SLC35E4: variants seen among roughly 807,000 people sequenced by gnomAD.
SLC35E4 encodes solute carrier family 35 member E4.
A neutral mutation model predicts 19.3 loss-of-function variants in SLC35E4; 15 were observed. The observed-to-expected ratio is 0.78, with a 90% CI of 0.52 to 1.20. SLC35E4 has a LOEUF of 1.20. Ranked by LOEUF, SLC35E4 falls within the 50% of genes most tolerant of loss-of-function variation. The pLI is 0.00. For synonymous variants in SLC35E4, 219 were observed against 219.9 expected (o/e 1.00, Z 0.04); for missense variants, 406 against 472.3 (o/e 0.86, Z 1.30).
exon 3 of SLC35E4, chr22:30,668,470 T>C (rs1220100960): frequency 6.6e-6 from 1 of 152,576 alleles, no homozygotes; most frequent in African/African-American, 2.4e-5. Context: ...AGTCTAGCTC[T>C]TGGGACTCCC....
downstream of SLC35E4, among the ~76,000 whole-genome samples, chr22:30,649,484 A>T (rs1345626645): frequency 7.8e-6 from 1 of 128,898 alleles, no homozygotes; most frequent in Non-Finnish European, 1.7e-5. Flanking sequence ...GGGCCAGCCC[A>T]CGGCGGGGTG....
At chr22:30,653,505 G>A (rs1303041344) in intron 2 of SLC35E4, among the ~76,000 whole-genome samples, 1 of 151,858 alleles carries the variant, frequency 6.6e-6, no homozygotes, top group East Asian at 1.9e-4. Flanking sequence ...CTGAGTAGGT[G>A]GAACTACAGG....
downstream of SLC35E4, chr22:30,663,955 CTG>C: frequency 6.2e-7 from 1 of 1,614,188 alleles, no homozygotes; most frequent in Non-Finnish European, 8.5e-7. Context: ...AGGCCGCTGA[CTG>C]AGGGCTGCCG....
At chr22:30,651,371 T>TTGTGTG (rs1555899346), downstream of SLC35E4, among the ~76,000 whole-genome samples, 991 of 41,058 alleles carry the variant, frequency 0.024, 36 homozygotes, top group Non-Finnish European at 0.032. Flanking sequence ...TGGCTAATTT[T>TTGTGTG]TGTGTGTGTG....
At chr22:30,663,473 G>C (rs781691112), downstream of SLC35E4, 65 of 1,612,616 alleles carry the variant, frequency 4.0e-5, no homozygotes, top group Non-Finnish European at 5.0e-5. Flanking sequence ...CCTTCTCATA[G>C]ATGTCAGGGA....
At chr22:30,659,499 G>A (rs570489731) in intron 2 of SLC35E4, among the ~76,000 whole-genome samples, 3 of 151,944 alleles carry the variant, frequency 2.0e-5, no homozygotes, top group South Asian at 4.2e-4. Context: ...TCAGCCTCCC[G>A]GGTAGCTGTG....
intron 1 of SLC35E4, among the ~76,000 whole-genome samples, chr22:30,639,950 T>C (rs1378520845): frequency 6.6e-6 from 1 of 150,734 alleles, no homozygotes; most frequent in African/African-American, 2.4e-5. Context: ...AGGGTATTGG[T>C]TGGAGAAGTG....
downstream of SLC35E4, chr22:30,647,966 C>T (rs1791744277): frequency 6.6e-6 from 1 of 152,170 alleles, no homozygotes; most frequent in Non-Finnish European, 1.5e-5. Context: ...GAAACTAGGA[C>T]ATCCTCCCTT....
downstream of SLC35E4, among the ~76,000 whole-genome samples, chr22:30,651,421 A>T (rs1602084850): frequency 5.6e-5 from 3 of 53,248 alleles, no homozygotes; most frequent in Admixed American, 3.0e-4. Flanking sequence ...ATATATATAT[A>T]TATATATTTT....
At chr22:30,655,507 CTTT>C (rs113225590) in intron 2 of SLC35E4, among the ~76,000 whole-genome samples, 1 of 145,814 alleles carries the variant, frequency 6.9e-6, no homozygotes, top group Non-Finnish European at 1.5e-5. Context: ...ACAAAATATC[CTTT>C]TTTTTTTTCT....
downstream of SLC35E4, among the ~76,000 whole-genome samples, chr22:30,651,074 A>G (rs1033413194): frequency 1.3e-5 from 2 of 151,840 alleles, no homozygotes; most frequent in African/African-American, 4.8e-5. Context: ...TCTGCCCTCA[A>G]ATTAGCTCAG....
chr22:30,644,470 A>G (rs115007539), intron 1 of SLC35E4, among the ~76,000 whole-genome samples: 2,107 of 152,272 alleles, frequency 0.014, 38 homozygotes, highest in African/African-American at 0.048. Flanking sequence ...GCCAGGCGCA[A>G]TGGCTCACAC....
intron 2 of SLC35E4, chr22:30,661,500 G>A (rs998524480): frequency 6.8e-6 from 1 of 146,744 alleles, no homozygotes; most frequent in Non-Finnish European, 1.5e-5. Context: ...CCAGGCTGGA[G>A]TGCAATGGTG....
chr22:30,653,474 C>T (rs1226841750), intron 2 of SLC35E4, among the ~76,000 whole-genome samples: 2 of 151,562 alleles, frequency 1.3e-5, no homozygotes, highest in Non-Finnish European at 2.9e-5. Context: ...TGGGTTCAAG[C>T]GATTCTCCTG....
At chr22:30,660,205 G>A (rs1482982707) in intron 2 of SLC35E4, among the ~76,000 whole-genome samples, 1 of 152,226 alleles carries the variant, frequency 6.6e-6, no homozygotes, top group Admixed American at 6.5e-5. Context: ...TAGAAATTGT[G>A]AGAAAATATA....
chr22:30,664,174 C>G, downstream of SLC35E4: 1 of 630,460 alleles, frequency 1.6e-6, no homozygotes. Flanking sequence ...TATAGCATTC[C>G]CCAAGGCAGT....
intron 1 of SLC35E4, among the ~76,000 whole-genome samples, chr22:30,640,390 G>C (rs116821450): frequency 0.028 from 4,219 of 149,586 alleles, 92 homozygotes; most frequent in African/African-American, 0.054. Context: ...AAAAAAAGAA[G>C]AAAGAAAGAA....
downstream of SLC35E4, among the ~76,000 whole-genome samples, chr22:30,651,427 AT>A (rs1160256288): frequency 2.3e-4 from 5 of 22,154 alleles, no homozygotes; most frequent in African/African-American, 4.3e-4. Flanking sequence ...ATATATATAT[AT>A]TTTTTTTTTT....
downstream of SLC35E4, among the ~76,000 whole-genome samples, chr22:30,652,827 G>A (rs1451525611): frequency 4.6e-5 from 7 of 152,146 alleles, no homozygotes; most frequent in African/African-American, 1.7e-4. Context: ...GTCACACTCT[G>A]TCATTTCTCC....
Sources: allele counts gnomAD v4.1 joint callset (sites outside exome capture counted in the v4.1 genomes callset), GRCh38; gene constraint gnomAD v4.1.1; transcripts MANE v1.5; gene names NCBI Gene and HGNC (gene_info 2026-07-23, HGNC 2026-07-21).